The following OCA2 variants were observed in gnomAD, a reference collection of about 807,000 sequenced individuals.
OCA2 encodes OCA2 melanosomal transmembrane protein, also known as P protein.
In OCA2, 77 loss-of-function variants were observed where a neutral mutation model predicts 100.2. The ratio of observed to expected loss-of-function variants is 0.77; its 90% confidence interval spans 0.64 to 0.93. OCA2 has a LOEUF of 0.93. OCA2 is among the 40% of genes least tolerant of loss of function. The pLI, the probability that OCA2 is intolerant of heterozygous loss-of-function variation, is 0.00. For synonymous variants in OCA2, 432 were observed against 439.2 expected, an observed-to-expected ratio of 0.98 and a Z score of 0.21; for missense variants, 1,062 against 1,089.1, an observed-to-expected ratio of 0.98 and a Z score of 0.35.
chr15:27,841,256 C>T (rs1332381390), intron 23 of OCA2, among the ~76,000 whole-genome samples: 1 of 152,138 alleles, frequency 6.6e-6, no homozygotes, highest in African/African-American at 2.4e-5. Flanking sequence ...CTTGCAATGA[C>T]AAAATGTTAG....
At chr15:27,930,999 T>G (rs569675531) in intron 18 of OCA2, among the ~76,000 whole-genome samples, 2 of 152,276 alleles carry the variant, frequency 1.3e-5, no homozygotes, top group East Asian at 3.9e-4. Context: ...TGGATCTGAT[T>G]GATAGTTATG....
intron 1 of OCA2, among the ~76,000 whole-genome samples, chr15:28,089,283 G>C (rs977571793): frequency 3.3e-5 from 5 of 152,152 alleles, no homozygotes; most frequent in African/African-American, 9.7e-5. Context: ...ACAGGGTCCT[G>C]AGGTGACATT....
chr15:27,904,689 G>A (rs990356831), intron 19 of OCA2, among the ~76,000 whole-genome samples: 2 of 152,152 alleles, frequency 1.3e-5, no homozygotes, highest in African/African-American at 4.8e-5. Flanking sequence ...ACAAACTGGG[G>A]AACACCAAGT....
At chr15:28,058,062 T>G (rs2043758545) in intron 2 of OCA2, among the ~76,000 whole-genome samples, 1 of 152,176 alleles carries the variant, frequency 6.6e-6, no homozygotes, top group Admixed American at 6.5e-5. Flanking sequence ...AGTGCCCTGG[T>G]ACCCTGAAGG....
At chr15:27,873,217 C>T (rs1296284709) in intron 19 of OCA2, among the ~76,000 whole-genome samples, 3 of 152,194 alleles carry the variant, frequency 2.0e-5, no homozygotes, top group African/African-American at 4.8e-5. Context: ...GGGGCTGGCC[C>T]GTGCATTATA....
chr15:28,006,030 T>G (rs536154134), intron 9 of OCA2, among the ~76,000 whole-genome samples: 2 of 152,280 alleles, frequency 1.3e-5, no homozygotes, highest in South Asian at 4.1e-4. Flanking sequence ...TTTGGGCAAG[T>G]GGTCTGACTT....
At chr15:27,996,377 A>G (rs1024224073) in intron 9 of OCA2, among the ~76,000 whole-genome samples, 1 of 152,166 alleles carries the variant, frequency 6.6e-6, no homozygotes, top group African/African-American at 2.4e-5. Flanking sequence ...AAAATAAAAT[A>G]AAACTTTAAA....
chr15:28,035,773 T>C (rs2043029376), intron 2 of OCA2, among the ~76,000 whole-genome samples: 1 of 152,354 alleles, frequency 6.6e-6, no homozygotes, highest in East Asian at 1.9e-4. Context: ...ACAAAATCCC[T>C]ATGTGCCTAT....
chr15:27,850,667 T>C (rs111558365), intron 22 of OCA2, among the ~76,000 whole-genome samples: 60 of 152,238 alleles, frequency 3.9e-4, no homozygotes, highest in African/African-American at 1.4e-3. Context: ...AGGTATTGAT[T>C]TAATAGTCAG....
chr15:27,769,818 C>T (rs903169162), intron 23 of OCA2, among the ~76,000 whole-genome samples: 1 of 149,930 alleles, frequency 6.7e-6, no homozygotes, highest in African/African-American at 2.5e-5. Context: ...GGAGGCTGTC[C>T]CTTTTCTGTG....
At position 27,785,948 on chromosome 15, in the gene OCA2, A is replaced by T. The variant is rs75395355; in HGVS notation, c.2433-30476T>A. Among the ~76,000 whole-genome samples, 1,123 of 152,322 alleles carry T rather than the reference A, an allele frequency of 7.4e-3. 15 individuals are homozygous for T. Among genetic ancestry groups the T allele is most frequent in the African/African-American group, 0.025 (1,059 of 41,582 alleles). On this transcript the variant is annotated intron_variant, in intron 23 of 23. Transcript: ENST00000354638. ...CTGATACCTGCTACAATGTGAATGCACCTCAAAAGCATTACGCTAAGTGAA... is the reference window on the plus strand; with the variant it reads ...CTGATACCTGCTACAATGTGAATGCTCCTCAAAAGCATTACGCTAAGTGAA...
intron 19 of OCA2, among the ~76,000 whole-genome samples, chr15:27,913,881 A>AAGAAAG: frequency 1.7e-5 from 1 of 57,714 alleles, no homozygotes; most frequent in African/African-American, 8.2e-5. Flanking sequence ...GAAAGAAAGA[A>AAGAAAG]AGAAAGAAAG....
At chr15:27,828,592 A>G (rs915374376) in intron 23 of OCA2, among the ~76,000 whole-genome samples, 1 of 151,510 alleles carries the variant, frequency 6.6e-6, no homozygotes, top group Non-Finnish European at 1.5e-5. Context: ...GAGTGTAGCT[A>G]GAGAGTCCCA....
At chr15:27,854,412 G>A (rs2035878324) in intron 21 of OCA2, among the ~76,000 whole-genome samples, 1 of 152,198 alleles carries the variant, frequency 6.6e-6, no homozygotes, top group Non-Finnish European at 1.5e-5. Flanking sequence ...GTCTGAGAAG[G>A]AGCCCTTCAT....
chr15:28,070,365 A>G (rs1223744820), intron 2 of OCA2, among the ~76,000 whole-genome samples: 4,233 of 93,952 alleles, frequency 0.045, 47 homozygotes, highest in East Asian at 0.15. Context: ...GGTGAGGGGC[A>G]CCTCTGCCCG....
intron 23 of OCA2, among the ~76,000 whole-genome samples, chr15:27,842,316 T>C (rs1449518083): frequency 6.6e-6 from 1 of 152,216 alleles, no homozygotes; most frequent in Non-Finnish European, 1.5e-5. Context: ...AGTGGCTATT[T>C]CTAGGTAGCA....
chr15:28,094,718 G>C (rs2044937627), intron 1 of OCA2, among the ~76,000 whole-genome samples: 1 of 152,208 alleles, frequency 6.6e-6, no homozygotes, highest in Non-Finnish European at 1.5e-5. Context: ...TGCGAGGTGG[G>C]GGTGGGCCCG....
chr15:27,871,730 A>G (rs1262883222), intron 20 of OCA2, 133 bp downstream of exon 20: 2 of 725,528 alleles, frequency 2.8e-6, no homozygotes, highest in Non-Finnish European at 4.9e-6. Context: ...CACAGGATAG[A>G]ACAGGTTCCC....
At chr15:27,899,452 T>C (rs910690860) in intron 19 of OCA2, among the ~76,000 whole-genome samples, 4 of 152,204 alleles carry the variant, frequency 2.6e-5, no homozygotes, top group African/African-American at 7.2e-5. Context: ...TTTAGAAATT[T>C]ATGATTAGGT....
Sources: allele counts gnomAD v4.1 joint callset (sites outside exome capture counted in the v4.1 genomes callset), GRCh38; gene constraint gnomAD v4.1.1; transcripts MANE v1.5; gene names NCBI Gene and HGNC (gene_info 2026-07-23, HGNC 2026-07-21).